The following NPAS3 variants were observed in gnomAD, a reference collection of about 807,000 sequenced individuals.
NPAS3 encodes the protein neuronal PAS domain protein 3.
Under a neutral mutation model 73.1 loss-of-function variants are expected in NPAS3, and 14 were observed. The observed-to-expected ratio is 0.19, with a 90% CI of 0.13 to 0.30. The LOEUF is 0.30. NPAS3 is among the 10% of genes least tolerant of loss of function. The probability of loss-of-function intolerance (pLI) is 1.00; values close to 1 mark genes in which losing one functional copy is unlikely to be tolerated. For synonymous variants in NPAS3, 620 were observed against 541.5 expected (o/e 1.14, Z -2.01); for missense variants, 1,096 against 1,250.0 (o/e 0.88, Z 1.86).
intron 3 of NPAS3, among the ~76,000 whole-genome samples, chr14:33,239,340 TGAAAG>T (rs746621632): frequency 2.6e-5 from 4 of 151,916 alleles, no homozygotes; most frequent in African/African-American, 2.4e-5. Flanking sequence ...ACAAACATCT[TGAAAG>T]GAAACAAACT....
chr14:33,695,392 T>G (rs1031778135), intron 6 of NPAS3, among the ~76,000 whole-genome samples: 1 of 152,202 alleles, frequency 6.6e-6, no homozygotes, highest in Non-Finnish European at 1.5e-5. Context: ...AATAATACAC[T>G]GTCTAATATT....
At chr14:33,232,314 G>A (rs1279282731) in intron 3 of NPAS3, among the ~76,000 whole-genome samples, 1 of 152,118 alleles carries the variant, frequency 6.6e-6, no homozygotes, top group Non-Finnish European at 1.5e-5. Context: ...AACAGAGCTT[G>A]TTTCCTTTGT....
chr14:33,727,256 A>G (rs540752882), intron 6 of NPAS3, among the ~76,000 whole-genome samples: 127 of 152,312 alleles, frequency 8.3e-4, no homozygotes, highest in South Asian at 1.5e-3. Flanking sequence ...ATATTAAAGT[A>G]AACTTACAAA....
At chr14:33,520,620 A>C (rs1343781578) in intron 4 of NPAS3, among the ~76,000 whole-genome samples, 1 of 152,188 alleles carries the variant, frequency 6.6e-6, no homozygotes, top group African/African-American at 2.4e-5. Context: ...AATTTCAATT[A>C]TGACAACAGT....
chr14:33,776,930 G>A (rs751913354), intron 8 of NPAS3, among the ~76,000 whole-genome samples: 24 of 152,188 alleles, frequency 1.6e-4, no homozygotes, highest in East Asian at 9.6e-4. Context: ...GGCTTGGATC[G>A]TTTTTTAAGG....
intron 1 of NPAS3, among the ~76,000 whole-genome samples, chr14:32,978,672 C>G (rs1279213): frequency 0.15 from 22,671 of 152,070 alleles, 1,674 homozygotes; most frequent in East Asian, 0.17. Context: ...ACTGAGGAAA[C>G]TGTTTTCAGT....
At chr14:33,253,864 G>C (rs55880717) in intron 3 of NPAS3, among the ~76,000 whole-genome samples, 1,541 of 151,986 alleles carry the variant, frequency 0.01, 37 homozygotes, top group African/African-American at 0.036. Flanking sequence ...ATTTTGCCTC[G>C]ATCTGCCATA....
chr14:33,774,071 C>T (rs1281646633), intron 7 of NPAS3, among the ~76,000 whole-genome samples: 1 of 152,018 alleles, frequency 6.6e-6, no homozygotes, highest in Admixed American at 6.5e-5. Context: ...TATGAGTTTT[C>T]CCTTAATGTG....
intron 9 of NPAS3, among the ~76,000 whole-genome samples, chr14:33,791,152 A>G (rs930501484): frequency 6.6e-6 from 1 of 152,156 alleles, no homozygotes; most frequent in Non-Finnish European, 1.5e-5. Flanking sequence ...GTAAAACCAC[A>G]GGTCAGTCAA....
upstream of NPAS3, chr14:32,934,874 T>C (rs2035646829): frequency 1.5e-6 from 1 of 678,326 alleles, no homozygotes; most frequent in Non-Finnish European, 1.8e-6. This position sits in a 1 kb window ranked among gnomAD's most constrained non-coding sequence, Gnocchi z 4.1. Flanking sequence ...GATTTCAGCG[T>C]GCAGGTGACG....
intron 2 of NPAS3, among the ~76,000 whole-genome samples, chr14:33,142,030 C>A (rs1040123584): frequency 3.9e-5 from 6 of 151,988 alleles, no homozygotes; most frequent in Non-Finnish European, 8.8e-5. Flanking sequence ...TCACTTATTT[C>A]TTTTGCCATT....
chr14:33,077,774 G>GTTGTTTTTTTTTT lies in NPAS3; in HGVS notation c.140+21782_140+21783insGTTTTTTTTTTTT, dbSNP rs2041709603. ...CTTTGCTCAAAACATTGCAGTAAGG[G>GTTGTTTTTTTTTT]TTTTTTTTTTTTTTTGCCCCTTTTG... On this transcript the variant is annotated intron_variant, in intron 2 of 11. Coordinates refer to ENST00000356141, the Ensembl canonical transcript of NPAS3. 2.3e-5 allele frequency among the ~76,000 whole-genome samples: 2 copies of GTTGTTTTTTTTTT among 87,470 alleles called. 1 individual carries two copies. The highest frequency in any genetic ancestry group is 4.6e-5 in the Non-Finnish European group (2 of 43,802). 57.4% of individuals were successfully genotyped at this position (87,470 alleles called of 152,430 possible).
intron 5 of NPAS3, among the ~76,000 whole-genome samples, chr14:33,663,501 C>T (rs1179247387): frequency 3.3e-5 from 5 of 152,012 alleles, no homozygotes; most frequent in African/African-American, 4.8e-5. Flanking sequence ...AATCGATGTT[C>T]ATCAGGGATA....
intron 5 of NPAS3, among the ~76,000 whole-genome samples, chr14:33,562,899 G>GCACATACACACACACACA (rs1555412946): frequency 6.7e-6 from 1 of 149,736 alleles, no homozygotes; most frequent in African/African-American, 2.5e-5. Context: ...TCTTTTATGA[G>GCACATACACACACACACA]CACACACACA....
At chr14:33,646,409 CATT>C (rs1281973775) in intron 5 of NPAS3, among the ~76,000 whole-genome samples, 2 of 151,842 alleles carry the variant, frequency 1.3e-5, no homozygotes, top group South Asian at 2.1e-4. Context: ...GTATATTTGC[CATT>C]ATTTTATCTA....
chr14:33,147,775 TA>T (rs943048624), intron 2 of NPAS3, among the ~76,000 whole-genome samples: 15 of 140,416 alleles, frequency 1.1e-4, no homozygotes, highest in Non-Finnish European at 1.8e-4. Context: ...AAGTTTGGAT[TA>T]AAAAAAGTAT....
intron 3 of NPAS3, among the ~76,000 whole-genome samples, chr14:33,346,952 C>A (rs2044767214): frequency 6.6e-6 from 1 of 152,174 alleles, no homozygotes. Flanking sequence ...TTCCTCCAGG[C>A]CACAAGTACC....
At chr14:33,067,006 A>G (rs1468809667) in intron 2 of NPAS3, among the ~76,000 whole-genome samples, 3 of 152,206 alleles carry the variant, frequency 2.0e-5, no homozygotes, top group African/African-American at 7.2e-5. Context: ...TGAAATAGAC[A>G]ATATTATTCT....
In NPAS3 at chr14:33,440,245, T is replaced by C. The variant is rs143610576; in HGVS notation, c.468+72977T>C. ...TACTGAGAAGAGACCTGATCCTGAT[T>C]CAAGGTACTTGTCACTGGACCATGT... On this transcript the variant is annotated intron_variant, in intron 4 of 11. Coordinates refer to ENST00000356141, the Ensembl canonical transcript of NPAS3. Among the ~76,000 whole-genome samples the C allele has an allele frequency of 4.1e-3, 628 of 152,250 alleles. 7 individuals carry two copies. The highest frequency in any genetic ancestry group is 0.015 in the African/African-American group (604 of 41,564).
Sources: allele counts gnomAD v4.1 joint callset (sites outside exome capture counted in the v4.1 genomes callset), GRCh38; gene constraint gnomAD v4.1.1; non-coding constraint Gnocchi (gnomAD v3.1); transcripts MANE v1.5; gene names NCBI Gene and HGNC (gene_info 2026-07-23, HGNC 2026-07-21).